The following OR3A2 variants were observed in gnomAD, a reference collection of about 807,000 sequenced individuals.
The protein encoded by OR3A2 is olfactory receptor family 3 subfamily A member 2.
For missense variants in OR3A2, 318 were observed against 392.8 expected (o/e 0.81, Z 1.61); for synonymous variants, 126 against 159.3 (o/e 0.79, Z 1.57).
At chr17:3,341,758 G>C (rs913401073) in intron 2 of OR3A2, among the ~76,000 whole-genome samples, 16 of 151,940 alleles carry the variant, frequency 1.1e-4, no homozygotes, top group Non-Finnish European at 2.1e-4. Context: ...TTGCTCTTCT[G>C]GAGGAGTATC....
intron 2 of OR3A2, among the ~76,000 whole-genome samples, chr17:3,368,176 C>A (rs1034954346): frequency 3.3e-5 from 5 of 152,198 alleles, no homozygotes; most frequent in Non-Finnish European, 4.4e-5. Context: ...TTCTCCCACT[C>A]TGTGGGTTAT....
In OR3A2 at chr17:3,350,918, A is replaced by G. The variant is rs1237898099; in HGVS notation, c.-178-14792T>C. On this transcript the variant is annotated intron_variant, in intron 2 of 4. Coordinates refer to the OR3A2 transcript ENST00000573491. ...AAATGTAATCCAGCATATAAACAGA[A>G]CCAAAGACAAAAACCACATGATTAT... Among the ~76,000 whole-genome samples, 225 of 150,984 alleles carry G rather than the reference A, an allele frequency of 1.5e-3. 1 individual carries two copies. Among genetic ancestry groups the G allele is most frequent in the African/African-American group, 5.2e-3 (215 of 41,190 alleles).
intron 2 of OR3A2, among the ~76,000 whole-genome samples, chr17:3,350,536 A>T (rs2049411523): frequency 6.6e-6 from 1 of 151,972 alleles, no homozygotes; most frequent in South Asian, 2.1e-4. Context: ...TTGTGGCAAT[A>T]ATCAATAGCT....
chr17:3,288,660 A>T (rs574074023), upstream of OR3A2, among the ~76,000 whole-genome samples: 1 of 152,336 alleles, frequency 6.6e-6, no homozygotes, highest in Admixed American at 6.5e-5. Flanking sequence ...ATAACATCCA[A>T]TGAGGTCAAA....
chr17:3,282,439 T>G (rs1238817528), intron 1 of OR3A2, among the ~76,000 whole-genome samples: 2 of 152,206 alleles, frequency 1.3e-5, no homozygotes, highest in Non-Finnish European at 2.9e-5. Context: ...CTCTAAAGAC[T>G]GACCCGCAGT....
chr17:3,327,885 C>G (rs1420171954), intron 3 of OR3A2, among the ~76,000 whole-genome samples: 1 of 132,932 alleles, frequency 7.5e-6, no homozygotes, highest in Non-Finnish European at 1.6e-5. Context: ...GGTGTTATTT[C>G]TGAGGGCTCT....
At chr17:3,295,258 G>A (rs531597375) in intron 3 of OR3A2, among the ~76,000 whole-genome samples, 7 of 151,570 alleles carry the variant, frequency 4.6e-5, no homozygotes, top group African/African-American at 1.7e-4. Context: ...ACATAATGGG[G>A]GTATAAGTAC....
At chr17:3,312,504 G>A (rs1464180206) in intron 3 of OR3A2, among the ~76,000 whole-genome samples, 1 of 152,128 alleles carries the variant, frequency 6.6e-6, no homozygotes, top group African/African-American at 2.4e-5. Flanking sequence ...TATTAGTAGG[G>A]ACAACACAGG....
chr17:3,302,574 G>A (rs1396048272), intron 3 of OR3A2, among the ~76,000 whole-genome samples: 1 of 152,206 alleles, frequency 6.6e-6, no homozygotes, highest in Non-Finnish European at 1.5e-5. Context: ...CACTGCTGGT[G>A]AGATCATAAA....
intron 2 of OR3A2, among the ~76,000 whole-genome samples, chr17:3,340,670 T>G (rs7220515): frequency 0.15 from 23,005 of 152,076 alleles, 2,311 homozygotes; most frequent in African/African-American, 0.28. Context: ...TGCTGAGGAG[T>G]GCTTTACTTC....
At chr17:3,317,271 T>C (rs1326847425) in intron 3 of OR3A2, among the ~76,000 whole-genome samples, 1 of 152,204 alleles carries the variant, frequency 6.6e-6, no homozygotes, top group East Asian at 1.9e-4. Flanking sequence ...GAAAGAGTCT[T>C]GAAACATCAG....
intron 2 of OR3A2, among the ~76,000 whole-genome samples, chr17:3,354,588 C>T (rs368220542): frequency 1.3e-5 from 2 of 151,076 alleles, no homozygotes; most frequent in Non-Finnish European, 3.0e-5. Context: ...TTCAAAGTTC[C>T]GTGGTATCAG....
chr17:3,340,907 T>C (rs952205867), intron 2 of OR3A2, among the ~76,000 whole-genome samples: 15 of 152,212 alleles, frequency 9.9e-5, no homozygotes, highest in Non-Finnish European at 1.8e-4. Context: ...TCTAAGTCTC[T>C]TTGTAGATCT....
At chr17:3,281,110 T>TA (rs1179840762) in intron 1 of OR3A2, among the ~76,000 whole-genome samples, 1 of 152,174 alleles carries the variant, frequency 6.6e-6, no homozygotes, top group Admixed American at 6.5e-5. Context: ...ACAAGTGACT[T>TA]ACAGCCAGTA....
intron 3 of OR3A2, among the ~76,000 whole-genome samples, chr17:3,322,999 G>A (rs1187506899): frequency 1.3e-5 from 2 of 152,114 alleles, no homozygotes; most frequent in Admixed American, 1.3e-4. Flanking sequence ...TATTGTGTGG[G>A]AGTCTAAGTC....
chr17:3,347,598 T>C (rs957101602), intron 2 of OR3A2, among the ~76,000 whole-genome samples: 8 of 152,254 alleles, frequency 5.3e-5, no homozygotes. Context: ...GGCTGCATAG[T>C]ATTCCATGGT....
chr17:3,333,204 A>T (rs548056076), intron 3 of OR3A2, among the ~76,000 whole-genome samples: 1 of 152,312 alleles, frequency 6.6e-6, no homozygotes, highest in South Asian at 2.1e-4. Flanking sequence ...TGCAGTTGAG[A>T]TAAGGACTGA....
rs138933169 is a variant in OR3A2 at position 3,297,557 on chromosome 17, G to A, written c.-84-18404C>T. Among the ~76,000 whole-genome samples, 806 of 150,214 alleles carry A rather than the reference G, an allele frequency of 5.4e-3. 39 individuals are homozygous for A. The highest frequency in any genetic ancestry group is 0.019 in the African/African-American group (767 of 39,660). ...CATATTCCTGTCCACTAAACTCTGC[G>A]GCACTTTAATTGTATACTTTACGGC... On this transcript the variant is annotated intron_variant, in intron 3 of 4. Coordinates refer to the OR3A2 transcript ENST00000573491.
Position 3,311,697 on chromosome 17 carries a change from G to GTGTAT in OR3A2, c.-85+24335_-85+24336insATACA. The GTGTAT allele has an allele frequency of 4.1e-6, 1 of 244,454 alleles. No homozygotes were observed. Among genetic ancestry groups the GTGTAT allele is most frequent in the Non-Finnish European group, 8.6e-6 (1 of 116,556 alleles). The allele number at this position is 244,454 out of a possible 1,614,324, so 15.1% of individuals were successfully genotyped here. On this transcript the variant is annotated intron_variant, in intron 3 of 4. Coordinates refer to the OR3A2 transcript ENST00000573491. The surrounding 1 kb of genome is among the most constrained non-coding windows in gnomAD (Gnocchi z 4.6). ...TACAAATCCGCTCAGCTGAGGGGAGGAAGAAGGCTTTCTCCACATGTGGCT... is the reference window on the plus strand; with the variant it reads ...TACAAATCCGCTCAGCTGAGGGGAGGTGTATAAGAAGGCTTTCTCCACATGTGGCT...
Sources: allele counts gnomAD v4.1 joint callset (sites outside exome capture counted in the v4.1 genomes callset), GRCh38; gene constraint gnomAD v4.1.1; non-coding constraint Gnocchi (gnomAD v3.1); transcripts MANE v1.5; gene names NCBI Gene and HGNC (gene_info 2026-07-23, HGNC 2026-07-21).